The following PDE1C variants were observed in gnomAD, a reference collection of about 807,000 sequenced individuals.
The protein encoded by PDE1C is phosphodiesterase 1C.
PDE1C carries 62 observed loss-of-function variants against 93.1 expected under a neutral mutation model. That is an observed-to-expected ratio of 0.67 (90% CI 0.54 to 0.82). The LOEUF is 0.82. PDE1C is among the 40% of genes least tolerant of loss of function. The pLI is 0.00. For missense variants in PDE1C, 742 were observed against 884.6 expected, an observed-to-expected ratio of 0.84 and a Z score of 2.04; for synonymous variants, 325 against 310.1, an observed-to-expected ratio of 1.05 and a Z score of -0.50.
At chr7:31,711,635 A>G in the PDE1C span, among the ~76,000 whole-genome samples, 3 of 152,306 alleles carry the variant, frequency 2.0e-5, no homozygotes, top group East Asian at 5.8e-4. Flanking sequence ...GAGTAAGTAT[A>G]TTAATAAATA....
exon 1 of PDE1C, chr7:32,298,737 G>T: frequency 6.3e-7 from 1 of 1,589,158 alleles, no homozygotes; most frequent in Non-Finnish European, 8.6e-7. Flanking sequence ...GTCCGTCATG[G>T]CTCGGCCGGC....
At chr7:32,088,904 G>A (rs566622974) in intron 3 of PDE1C, among the ~76,000 whole-genome samples, 1 of 152,330 alleles carries the variant, frequency 6.6e-6, no homozygotes, top group South Asian at 2.1e-4. Flanking sequence ...AGGGACAGAA[G>A]AGAGAATACC....
chr7:31,893,192 C>T (rs372101514), intron 2 of PDE1C, among the ~76,000 whole-genome samples: 4 of 152,068 alleles, frequency 2.6e-5, no homozygotes, highest in East Asian at 1.9e-4. Flanking sequence ...GTCACGGAGA[C>T]GGTGTTTTGT....
At chr7:32,229,701 C>T (rs1807552212) in intron 1 of PDE1C, among the ~76,000 whole-genome samples, 1 of 152,202 alleles carries the variant, frequency 6.6e-6, no homozygotes, top group Non-Finnish European at 1.5e-5. Context: ...TGGAAGAATA[C>T]AGGCCCAAAG....
At chr7:31,954,779 A>G (rs1807893841) in intron 2 of PDE1C, among the ~76,000 whole-genome samples, 1 of 152,178 alleles carries the variant, frequency 6.6e-6, no homozygotes, top group Non-Finnish European at 1.5e-5. Flanking sequence ...TGCCACCAAA[A>G]AGGTTTTTGC....
At chr7:32,361,275 G>A (rs1408616075) in intron 1 of PDE1C, among the ~76,000 whole-genome samples, 1 of 152,156 alleles carries the variant, frequency 6.6e-6, no homozygotes, top group African/African-American at 2.4e-5. Context: ...GCAAAGGCAG[G>A]ATGCCCTAAG....
intron 3 of PDE1C, among the ~76,000 whole-genome samples, chr7:32,115,036 C>A (rs1240329661): frequency 6.6e-6 from 1 of 152,182 alleles, no homozygotes; most frequent in East Asian, 1.9e-4. Flanking sequence ...TAAGTGCAAC[C>A]ATTGTGGAAG....
chr7:32,113,689 A>G (rs1798815667), intron 3 of PDE1C, among the ~76,000 whole-genome samples: 1 of 152,116 alleles, frequency 6.6e-6, no homozygotes, highest in Non-Finnish European at 1.5e-5. Context: ...TGAGATTGGC[A>G]GTAGTCGTTT....
At chr7:31,885,543 C>T (rs1797761520) in intron 2 of PDE1C, among the ~76,000 whole-genome samples, 1 of 152,180 alleles carries the variant, frequency 6.6e-6, no homozygotes, top group African/African-American at 2.4e-5. Context: ...TTCCCTGTGC[C>T]CTCAGATCCA....
chr7:31,841,227 C>CTCTCTCTATATATATATATA (rs751320538), intron 9 of PDE1C, among the ~76,000 whole-genome samples: 1 of 142,262 alleles, frequency 7.0e-6, no homozygotes, highest in African/African-American at 2.6e-5. Context: ...CTCTCTCTCT[C>CTCTCTCTATATATATATATA]TATATATATA....
intron 2 of PDE1C, among the ~76,000 whole-genome samples, chr7:31,956,806 G>C (rs1038217453): frequency 6.6e-6 from 1 of 151,988 alleles, no homozygotes; most frequent in African/African-American, 2.4e-5. Context: ...AGTATTCATA[G>C]ACATAGAATT....
the PDE1C span, chr7:31,658,345 A>G: frequency 3.3e-6 from 5 of 1,523,442 alleles, no homozygotes; most frequent in East Asian, 1.2e-4. Context: ...AGATGAAAAA[A>G]TAAAATCAAA....
chr7:31,844,902 G>T (rs1792360077), intron 9 of PDE1C, among the ~76,000 whole-genome samples: 1 of 151,974 alleles, frequency 6.6e-6, no homozygotes, highest in Non-Finnish European at 1.5e-5. Context: ...ATTTTTAAAA[G>T]TCACTGTTTC....
intron 2 of PDE1C, among the ~76,000 whole-genome samples, chr7:32,206,117 C>T (rs1256413125): frequency 6.6e-6 from 1 of 152,066 alleles, no homozygotes; most frequent in Non-Finnish European, 1.5e-5. Context: ...TAATTCTGGA[C>T]ACAGAATTCA....
At chr7:32,374,316 A>G (rs956186152) in intron 1 of PDE1C, among the ~76,000 whole-genome samples, 1 of 152,038 alleles carries the variant, frequency 6.6e-6, no homozygotes, top group Non-Finnish European at 1.5e-5. Flanking sequence ...AGAAGAAAAG[A>G]AAAGAAAACT....
intron 3 of PDE1C, among the ~76,000 whole-genome samples, chr7:32,113,017 T>A (rs75862909): frequency 0.026 from 3,924 of 149,520 alleles, 91 homozygotes; most frequent in East Asian, 0.11. Context: ...CCTTTGGCAA[T>A]GAGGTAAGTA....
At chr7:32,096,104 A>T (rs1014975662) in intron 3 of PDE1C, among the ~76,000 whole-genome samples, 1 of 152,128 alleles carries the variant, frequency 6.6e-6, no homozygotes, top group Non-Finnish European at 1.5e-5. Context: ...CATATTATGA[A>T]CCTCCAAAAT....
At position 32,414,784 on chromosome 7, in the gene PDE1C, G is replaced by T. The variant is rs563165928; in HGVS notation, c.310+13038C>A. On this transcript the variant is annotated intron_variant, in intron 1 of 1. Transcript: ENST00000672256. Reference sequence around the variant, plus strand: ...TAATACAAACAACTTAGACACAGGTGAAGATGACCCAGAAATGGCTTTAGA... The same window carrying T: ...TAATACAAACAACTTAGACACAGGTTAAGATGACCCAGAAATGGCTTTAGA... Among the ~76,000 whole-genome samples, 30 of 149,738 alleles carry T rather than the reference G, an allele frequency of 2.0e-4. 1 individual carries two copies. In the South Asian group the frequency reaches 5.7e-3, roughly 28 times the overall value.
intron 1 of PDE1C, among the ~76,000 whole-genome samples, chr7:32,330,911 C>A (rs1488203889): frequency 6.6e-6 from 1 of 152,210 alleles, no homozygotes; most frequent in Non-Finnish European, 1.5e-5. Context: ...CATCGGTCCC[C>A]TGGGAAGATT....
Sources: gnomAD v4.1 joint callset for allele counts (sites outside exome capture counted in the v4.1 genomes callset) on GRCh38, gnomAD v4.1.1 for gene constraint, MANE v1.5 for transcripts, NCBI Gene and HGNC (gene_info 2026-07-23, HGNC 2026-07-21) for gene names.